The following TCF4 variants were observed in gnomAD, a reference collection of about 807,000 sequenced individuals.
TCF4 encodes SL3-3 enhancer factor 2.
TCF4 carries 3 observed loss-of-function variants against 82.1 expected under a neutral mutation model. That is an observed-to-expected ratio of 0.04 (90% CI 0.02 to 0.09). The LOEUF (loss-of-function observed/expected upper bound fraction) is 0.09, where lower values mean the gene tolerates loss of function less well. Among genes scored for constraint, TCF4 ranks in the 10% least tolerant of loss-of-function variants. The pLI is 1.00. For synonymous variants in TCF4, 276 were observed against 309.6 expected (o/e 0.89, Z 1.14); for missense variants, 518 against 852.7 (o/e 0.61, Z 4.89).
chr18:55,401,448 A>G, intron 6 of TCF4: 1 of 1,040,016 alleles, frequency 9.6e-7, no homozygotes, highest in Non-Finnish European at 1.2e-6. Context: ...ATATGCAGTC[A>G]TAGTGCTATA....
At chr18:55,456,121 C>T (rs1476139197) in intron 5 of TCF4, among the ~76,000 whole-genome samples, 1 of 152,196 alleles carries the variant, frequency 6.6e-6, no homozygotes, top group Non-Finnish European at 1.5e-5. Flanking sequence ...GCTAGGCAAA[C>T]GGAGCGGTGG....
At chr18:55,338,629 G>A (rs895862532) in intron 8 of TCF4, among the ~76,000 whole-genome samples, 8 of 152,132 alleles carry the variant, frequency 5.3e-5, no homozygotes, top group Non-Finnish European at 1.2e-4. Flanking sequence ...AAAGACAGAG[G>A]AATATATGGG....
At chr18:55,357,745 G>C (rs921181315) in intron 6 of TCF4, among the ~76,000 whole-genome samples, 2 of 152,014 alleles carry the variant, frequency 1.3e-5, no homozygotes, top group Non-Finnish European at 2.9e-5. Context: ...TTTTTATGTA[G>C]GTTGGCCTCC....
At chr18:55,291,863 G>C (rs2146615959) in intron 8 of TCF4, among the ~76,000 whole-genome samples, 1 of 152,310 alleles carries the variant, frequency 6.6e-6, no homozygotes, top group South Asian at 2.1e-4. Flanking sequence ...CTAGGAACTA[G>C]TTGGGAGATT....
chr18:55,515,982 C>T (rs1318561860), intron 3 of TCF4, among the ~76,000 whole-genome samples: 1 of 152,112 alleles, frequency 6.6e-6, no homozygotes, highest in Non-Finnish European at 1.5e-5. Flanking sequence ...ATGAAGGTAA[C>T]AGCTATTGAG....
intron 8 of TCF4, among the ~76,000 whole-genome samples, chr18:55,325,294 G>A (rs2076362456): frequency 6.6e-6 from 1 of 152,126 alleles, no homozygotes; most frequent in Non-Finnish European, 1.5e-5. Flanking sequence ...ATTGAGAAAA[G>A]AGAGAAAATA....
chr18:55,251,701 T>C (rs547772170), intron 15 of TCF4, among the ~76,000 whole-genome samples: 1 of 152,294 alleles, frequency 6.6e-6, no homozygotes, highest in East Asian at 1.9e-4. Context: ...GAGTATCAAG[T>C]TACTGCAACT....
intron 11 of TCF4, among the ~76,000 whole-genome samples, chr18:55,264,353 G>A (rs1436973089): frequency 2.0e-5 from 3 of 152,180 alleles, no homozygotes; most frequent in Non-Finnish European, 4.4e-5. Flanking sequence ...AACAGCTGGA[G>A]TGCCAAACCC....
At chr18:55,430,811 T>G (rs1275581710) in intron 5 of TCF4, among the ~76,000 whole-genome samples, 1 of 152,114 alleles carries the variant, frequency 6.6e-6, no homozygotes, top group Non-Finnish European at 1.5e-5. Flanking sequence ...ACTAAGTAGT[T>G]TTTTGGGAAA....
chr18:55,426,819 TACAAACACAGACACACAAAGAC>T (rs987300348), intron 5 of TCF4, among the ~76,000 whole-genome samples: 8 of 152,018 alleles, frequency 5.3e-5, no homozygotes, highest in Non-Finnish European at 7.4e-5. Flanking sequence ...TACAAACATA[TACAAACACAGACACACAAAGAC>T]ACAAACACAG....
Position 55,321,518 on chromosome 18 carries a change from T to G in TCF4, c.549+28841A>C, listed in dbSNP as rs889924293. On this transcript the variant is annotated intron_variant, in intron 8 of 19. Coordinates refer to ENST00000354452, the MANE Select transcript of TCF4 (RefSeq NM_001083962.2). ...GGAGAAGAAGTAGGCAAGAAGAAGA[T>G]CTTAGGATTGGCAAATGATAAATAT... 31 of 1,151,424 alleles carry G rather than the reference T, an allele frequency of 2.7e-5. No homozygotes were observed. In the African/African-American group the frequency reaches 4.6e-4, roughly 17 times the overall value. The allele number at this position is 1,151,424 out of a possible 1,614,324, so 71.3% of individuals were successfully genotyped here.
intron 5 of TCF4, among the ~76,000 whole-genome samples, chr18:55,433,639 G>A (rs890457508): frequency 6.6e-6 from 1 of 152,204 alleles, no homozygotes; most frequent in African/African-American, 2.4e-5. Flanking sequence ...TAAATGCCTC[G>A]CCAAATATAC....
At chr18:55,594,498 T>C (rs1373880111) in intron 2 of TCF4, among the ~76,000 whole-genome samples, 1 of 152,206 alleles carries the variant, frequency 6.6e-6, no homozygotes, top group African/African-American at 2.4e-5. Flanking sequence ...ATGAAGAATC[T>C]GTCTGTACCC....
intron 3 of TCF4, among the ~76,000 whole-genome samples, chr18:55,531,846 G>C (rs2097066960): frequency 6.6e-6 from 1 of 152,168 alleles, no homozygotes; most frequent in Non-Finnish European, 1.5e-5. Context: ...ACTTTGCTTA[G>C]TCTGATAAAC....
chr18:55,390,286 TAAAAAAAAAAAA>T (rs56965997), intron 6 of TCF4, among the ~76,000 whole-genome samples: 5 of 82,236 alleles, frequency 6.1e-5, no homozygotes, highest in Middle Eastern at 7.7e-3. Flanking sequence ...CCCTGACTCT[TAAAAAAAAAAAA>T]AAAAAAAAAA....
intron 6 of TCF4, among the ~76,000 whole-genome samples, chr18:55,399,878 TCTCACACACACA>T (rs1467044140): frequency 1.4e-4 from 11 of 77,068 alleles, no homozygotes; most frequent in South Asian, 7.0e-4. Context: ...TCTCTCTCTC[TCTCACACACACA>T]CACACACACA....
chr18:55,253,616 A>G (rs1480216997), intron 15 of TCF4, among the ~76,000 whole-genome samples: 1 of 152,228 alleles, frequency 6.6e-6, no homozygotes, highest in Non-Finnish European at 1.5e-5. Flanking sequence ...ATATGGACAA[A>G]TCTGCTTAAA....
At chr18:55,514,294 G>A (rs1035125145) in intron 3 of TCF4, among the ~76,000 whole-genome samples, 4 of 152,012 alleles carry the variant, frequency 2.6e-5, no homozygotes, top group African/African-American at 9.7e-5. Context: ...GAGCAACATG[G>A]TCTCCAAGTT....
chr18:55,481,485 G>A (rs1040096406), intron 3 of TCF4, among the ~76,000 whole-genome samples: 3 of 152,202 alleles, frequency 2.0e-5, no homozygotes. Flanking sequence ...AATGGTAACT[G>A]ATTGGCAAGA....
Sources: gnomAD v4.1 joint callset for allele counts (sites outside exome capture counted in the v4.1 genomes callset) on GRCh38, gnomAD v4.1.1 for gene constraint, MANE v1.5 for transcripts, NCBI Gene and HGNC (gene_info 2026-07-23, HGNC 2026-07-21) for gene names.